The following UPK1B variants were observed in gnomAD, a reference collection of about 807,000 sequenced individuals.
The protein encoded by UPK1B is uroplakin-1b.
UPK1B carries 28 observed loss-of-function variants against 34.2 expected under a neutral mutation model. The observed-to-expected ratio is 0.82, with a 90% confidence interval of 0.61 to 1.12. The LOEUF is 1.12. UPK1B is among the 50% of genes most tolerant of loss of function. The probability of loss-of-function intolerance (pLI) is 0.00; values close to 1 mark genes in which losing one functional copy is unlikely to be tolerated. For synonymous variants in UPK1B, 81 were observed against 110.4 expected (o/e 0.73, Z 1.67); for missense variants, 325 against 320.9 (o/e 1.01, Z -0.10).
intron 1 of UPK1B, among the ~76,000 whole-genome samples, chr3:119,184,992 A>G (rs1197994067): frequency 6.6e-6 from 1 of 152,262 alleles, no homozygotes; most frequent in Non-Finnish European, 1.5e-5. Context: ...AACCAGCTAC[A>G]TGAGTAAGTT....
In UPK1B at chr3:119,189,558, T is replaced by C. The variant is rs556458894; in HGVS notation, c.271-687T>C. 1.2e-4 allele frequency among the ~76,000 whole-genome samples: 18 copies of C among 152,384 alleles called. No individual in the cohort carries two copies. In the South Asian group the frequency reaches 3.7e-3, roughly 32 times the overall value. On this transcript the variant is annotated intron_variant, in intron 3 of 7. Transcript: ENST00000264234. ...ATGTGCACACGCACCCATGTGCCCA[T>C]GCTCACGCACACACACCACCACTAC... is the stretch of plus-strand genomic sequence containing the variant.
intron 7 of UPK1B, among the ~76,000 whole-genome samples, chr3:119,201,531 G>A (rs577417783): frequency 1.6e-4 from 24 of 152,110 alleles, no homozygotes; most frequent in Non-Finnish European, 2.9e-4. Flanking sequence ...AAACCCGGTC[G>A]CATGATTCAA....
intron 7 of UPK1B, 147 bp downstream of exon 7, chr3:119,199,287 A>G (rs747831851): frequency 2.9e-5 from 25 of 867,894 alleles, no homozygotes; most frequent in Non-Finnish European, 3.5e-5. Flanking sequence ...TGGCACCGGA[A>G]GAAGGACAGT....
intron 7 of UPK1B, among the ~76,000 whole-genome samples, chr3:119,202,834 T>C (rs2078098045): frequency 6.6e-6 from 1 of 151,984 alleles, no homozygotes; most frequent in South Asian, 2.1e-4. Context: ...AGGAAGGCAT[T>C]GGAGGATAAG....
rs1390906534 is a variant in UPK1B, at chr3:119,179,379, ATATATATATATATATATATT to A, written c.-29+5742_-29+5761del. Among the ~76,000 whole-genome samples, 767 of 85,072 alleles carry A rather than the reference ATATATATATATATATATATT, an allele frequency of 9.0e-3. 38 individuals are homozygous for A. Among genetic ancestry groups the A allele is most frequent in the African/African-American group, 0.029 (689 of 23,932 alleles). The allele number at this position is 85,072 out of a possible 152,430, so 55.8% of individuals were successfully genotyped here. A position where few individuals can be genotyped will look rare whatever the true frequency, so the allele number is the denominator to read the frequency against. On this transcript the variant is annotated intron_variant, in intron 1 of 7. Transcript: ENST00000264234. ...TATATATATATATATATATATATATATATATATATATATATATATTAATTCTAAGGAATTAACCTATGTGA... is the reference window on the plus strand; with the variant it reads ...TATATATATATATATATATATATATAAATTCTAAGGAATTAACCTATGTGA...
chr3:119,195,065 T>C (rs2078060559), intron 6 of UPK1B, among the ~76,000 whole-genome samples: 1 of 152,230 alleles, frequency 6.6e-6, no homozygotes, highest in African/African-American at 2.4e-5. Flanking sequence ...GGATCCCTGT[T>C]TTACAAACGA....
intron 3 of UPK1B, among the ~76,000 whole-genome samples, chr3:119,189,579 A>C (rs1463660785): frequency 6.6e-6 from 1 of 152,226 alleles, no homozygotes; most frequent in East Asian, 1.9e-4. Context: ...ACACACCACC[A>C]CTACCACACA....
intron 6 of UPK1B, among the ~76,000 whole-genome samples, chr3:119,195,228 C>T (rs1468483073): frequency 6.6e-6 from 1 of 152,208 alleles, no homozygotes; most frequent in Non-Finnish European, 1.5e-5. Context: ...TAATATTCCC[C>T]AAAAGCCCTG....
chr3:119,200,004 G>A (rs898301175), intron 7 of UPK1B, among the ~76,000 whole-genome samples: 3 of 152,154 alleles, frequency 2.0e-5, no homozygotes, highest in Admixed American at 6.5e-5. Context: ...TTTTATAATA[G>A]TGACTTTTTT....
chr3:119,194,995 C>T (rs1371478386), intron 6 of UPK1B, among the ~76,000 whole-genome samples: 3 of 152,220 alleles, frequency 2.0e-5, no homozygotes, highest in African/African-American at 7.2e-5. Context: ...AAATGCCAAA[C>T]ACTGTTTCCA....
intron 2 of UPK1B, 57 bp downstream of exon 2, chr3:119,186,867 T>C: frequency 6.4e-7 from 1 of 1,567,248 alleles, no homozygotes; most frequent in South Asian, 1.1e-5. Context: ...TAATTCTAGA[T>C]GAATCAAAAG....
intron 6 of UPK1B, among the ~76,000 whole-genome samples, chr3:119,195,391 G>A (rs527329041): frequency 6.6e-6 from 1 of 152,294 alleles, no homozygotes; most frequent in Admixed American, 6.5e-5. Flanking sequence ...TTTGGGAGCA[G>A]TACAAACTGC....
Position 119,175,031 on chromosome 3 carries a change from T to C in UPK1B, c.-29+1393T>C, listed in dbSNP as rs1364834573. The stretch of plus-strand genomic sequence containing the variant: ...TATTTTCTTTTTTTTTTTTTTTTTT[T>C]TTTTTTTTTTTTTTTTGAGACGGAG... On this transcript the variant is annotated intron_variant, in intron 1 of 7. Coordinates refer to ENST00000264234, the MANE Select transcript of UPK1B (RefSeq NM_006952.4). Among the ~76,000 whole-genome samples the C allele has an allele frequency of 7.5e-5, 6 of 79,696 alleles. No homozygotes were observed. In the East Asian group the frequency reaches 2.2e-3, roughly 30 times the overall value. 52.3% of individuals were successfully genotyped at this position (79,696 alleles called of 152,430 possible). A position where few individuals can be genotyped will look rare whatever the true frequency, so the allele number is the denominator to read the frequency against.
In UPK1B at chr3:119,190,994, C is replaced by T. The variant is rs781492918; in HGVS notation, c.358C>T (p.Leu120Phe). 1 of 1,613,980 alleles carries T rather than the reference C, an allele frequency of 6.2e-7. No individual in the cohort carries two copies. Among genetic ancestry groups the T allele is most frequent in the East Asian group, 2.2e-5 (1 of 44,874 alleles). Residue 120 changes from leucine to phenylalanine, a missense_variant, in exon 5 of 8, where the codon CTC becomes TTC. Coordinates refer to ENST00000264234, the MANE Select transcript of UPK1B (RefSeq NM_006952.4). ...ATQQDFFTPN[L>F]FLKQMLERYQ... ...CTTCCTACTATAGTTCACACCCAAC[C>T]TCTTCCTGAAGCAGATGCTAGAGAG... is the stretch of plus-strand genomic sequence containing the variant.
intron 1 of UPK1B, among the ~76,000 whole-genome samples, chr3:119,179,399 T>TATATATATATATATATATATATA (rs1559900078): frequency 3.7e-5 from 2 of 54,314 alleles, no homozygotes; most frequent in Non-Finnish European, 7.1e-5. Context: ...ATATATATAT[T>TATATATATATATATATATATATA]AATTCTAAGG....
intron 5 of UPK1B, among the ~76,000 whole-genome samples, chr3:119,193,714 T>G (rs1213775532): frequency 6.6e-6 from 1 of 152,248 alleles, no homozygotes. Context: ...ATTCTCAATT[T>G]GCTTTGATAT....
chr3:119,189,641 G>A (rs572239339), intron 3 of UPK1B, among the ~76,000 whole-genome samples: 17 of 152,332 alleles, frequency 1.1e-4, no homozygotes, highest in South Asian at 4.1e-4. Context: ...GTGTGGGTGC[G>A]TGTGAAAGAA....
Position 119,199,252 on chromosome 3 carries a change from GC to G in UPK1B, c.732+114del, listed in dbSNP as rs1346344451. Reference sequence around the variant, plus strand: ...AGAAAGTCTAGAAACAAAACCTCAGGCCTGAAGGCTAGTCAGGAAACTTCTG... The same window carrying G: ...AGAAAGTCTAGAAACAAAACCTCAGGCTGAAGGCTAGTCAGGAAACTTCTG... On this transcript the variant is annotated intron_variant, in intron 7 of 7. Coordinates refer to ENST00000264234, the MANE Select transcript of UPK1B (RefSeq NM_006952.4). The G allele has an allele frequency of 1.5e-5, 18 of 1,230,574 alleles. No homozygotes were observed. The East Asian group carries it at 4.6e-4, about 31-fold the overall frequency. 76.2% of individuals were successfully genotyped at this position (1,230,574 alleles called of 1,614,324 possible). A position where few individuals can be genotyped will look rare whatever the true frequency, so the allele number is the denominator to read the frequency against.
At chr3:119,194,576 A>T (rs1189162916) in intron 6 of UPK1B, among the ~76,000 whole-genome samples, 178 bp downstream of exon 6, 2 of 152,248 alleles carry the variant, frequency 1.3e-5, no homozygotes, top group Non-Finnish European at 2.9e-5. Flanking sequence ...CAGGACTGAT[A>T]GGGGCAAATT....
Sources: allele counts gnomAD v4.1 joint callset (sites outside exome capture counted in the v4.1 genomes callset), GRCh38; gene constraint gnomAD v4.1.1; transcripts MANE v1.5; gene names NCBI Gene and HGNC (gene_info 2026-07-23, HGNC 2026-07-21).